Variants in LRRTM4 observed in about 807,000 individuals in gnomAD.
The protein encoded by LRRTM4 is leucine rich repeat transmembrane neuronal 4.
Under a neutral mutation model 47.6 loss-of-function variants are expected in LRRTM4, and 25 were observed. The observed-to-expected ratio is 0.53, with a 90% CI of 0.38 to 0.73. The LOEUF (loss-of-function observed/expected upper bound fraction) is 0.73. Among genes scored for constraint, LRRTM4 ranks in the 30% least tolerant of loss-of-function variants. LRRTM4 has a pLI of 0.00. For synonymous variants in LRRTM4, 311 were observed against 269.5 expected (o/e 1.15, Z -1.51); for missense variants, 638 against 713.4 (o/e 0.89, Z 1.20).
intron 3 of LRRTM4, among the ~76,000 whole-genome samples, chr2:76,961,997 C>G (rs2103914972): frequency 6.6e-6 from 1 of 151,174 alleles, no homozygotes; most frequent in South Asian, 2.1e-4. Flanking sequence ...GGGTTTCTTC[C>G]TCAATATAGG....
intron 3 of LRRTM4, among the ~76,000 whole-genome samples, chr2:76,994,932 A>C (rs1677146315): frequency 6.6e-6 from 1 of 152,000 alleles, no homozygotes; most frequent in South Asian, 2.1e-4. Context: ...TGACCTAACT[A>C]GGAAAATGAA....
chr2:76,918,756 A>G (rs1674336479), intron 3 of LRRTM4, among the ~76,000 whole-genome samples: 2 of 152,164 alleles, frequency 1.3e-5, no homozygotes, highest in Admixed American at 1.3e-4. Context: ...AGTTGCAGCT[A>G]AGCGTGGCCC....
intron 3 of LRRTM4, among the ~76,000 whole-genome samples, chr2:77,305,586 A>G (rs1677249137): frequency 6.6e-6 from 1 of 152,128 alleles, no homozygotes; most frequent in Admixed American, 6.5e-5. Flanking sequence ...TTAATATTCA[A>G]CAGGCATAGT....
intron 2 of LRRTM4, among the ~76,000 whole-genome samples, chr2:77,521,185 T>C (rs945116453): frequency 2.6e-5 from 4 of 151,662 alleles, no homozygotes; most frequent in Non-Finnish European, 5.9e-5. Context: ...GACTGGCAAA[T>C]GACTGCTGGA....
chr2:77,049,088 T>C (rs1159971313), intron 3 of LRRTM4, among the ~76,000 whole-genome samples: 2 of 142,460 alleles, frequency 1.4e-5, no homozygotes, highest in Admixed American at 1.4e-4. Context: ...TGAATGACAG[T>C]TTGTTTTTTT....
At chr2:77,212,245 C>G (rs1170278226) in intron 3 of LRRTM4, among the ~76,000 whole-genome samples, 1 of 148,738 alleles carries the variant, frequency 6.7e-6, no homozygotes, top group Non-Finnish European at 1.5e-5. Flanking sequence ...AATGAAATAA[C>G]ATATTTTGAT....
At chr2:77,064,469 G>A (rs909213244) in intron 3 of LRRTM4, among the ~76,000 whole-genome samples, 1 of 152,140 alleles carries the variant, frequency 6.6e-6, no homozygotes, top group African/African-American at 2.4e-5. Context: ...TCCTCTTTGA[G>A]AGTTTCAGGG....
At chr2:77,019,281 A>G (rs1314379580) in intron 3 of LRRTM4, among the ~76,000 whole-genome samples, 1 of 150,052 alleles carries the variant, frequency 6.7e-6, no homozygotes, top group Non-Finnish European at 1.5e-5. Context: ...AAAAAATATA[A>G]GAAGAAGACA....
intron 3 of LRRTM4, among the ~76,000 whole-genome samples, chr2:76,790,989 A>C (rs1001484876): frequency 1.3e-5 from 2 of 152,152 alleles, no homozygotes; most frequent in Non-Finnish European, 2.9e-5. Flanking sequence ...CACAGAAGGT[A>C]TGTTTCCAGT....
At chr2:77,295,306 T>C (rs1676939391) in intron 3 of LRRTM4, among the ~76,000 whole-genome samples, 1 of 152,182 alleles carries the variant, frequency 6.6e-6, no homozygotes, top group Non-Finnish European at 1.5e-5. Context: ...ATGTTAAGAT[T>C]CCTTTTTTGA....
intron 3 of LRRTM4, among the ~76,000 whole-genome samples, chr2:77,056,614 C>G (rs930999653): frequency 1.3e-5 from 2 of 151,982 alleles, no homozygotes; most frequent in African/African-American, 4.8e-5. Context: ...AGTAATAGTA[C>G]AGTAAAAGAT....
At chr2:77,031,836 T>C (rs1009252396) in intron 3 of LRRTM4, among the ~76,000 whole-genome samples, 5 of 152,142 alleles carry the variant, frequency 3.3e-5, no homozygotes, top group African/African-American at 1.2e-4. Flanking sequence ...TTTAGAGATA[T>C]GACTGTCTGC....
intron 3 of LRRTM4, among the ~76,000 whole-genome samples, chr2:77,480,837 G>GAGAA (rs1677670101): frequency 2.5e-4 from 13 of 52,372 alleles, no homozygotes; most frequent in Non-Finnish European, 4.5e-4. Context: ...GAGAGAGAGA[G>GAGAA]AGAGAGAGAG....
At chr2:76,995,614 C>A (rs146836051) in intron 3 of LRRTM4, among the ~76,000 whole-genome samples, 6 of 151,994 alleles carry the variant, frequency 3.9e-5, no homozygotes, top group Non-Finnish European at 7.4e-5. Context: ...AAAAGTAGAT[C>A]CAAAAAAGTC....
At chr2:77,087,681 T>A (rs2103874050) in intron 3 of LRRTM4, among the ~76,000 whole-genome samples, 1 of 152,222 alleles carries the variant, frequency 6.6e-6, no homozygotes. Flanking sequence ...ATAAAAATAA[T>A]CAAATTCATT....
chr2:77,207,656 A>T (rs905029182), intron 3 of LRRTM4, among the ~76,000 whole-genome samples: 1 of 151,678 alleles, frequency 6.6e-6, no homozygotes, highest in South Asian at 2.1e-4. Context: ...GCCTATAACA[A>T]TCACTGACAA....
At chr2:77,245,494 G>C (rs1573134183) in intron 3 of LRRTM4, among the ~76,000 whole-genome samples, 1 of 142,980 alleles carries the variant, frequency 7.0e-6, no homozygotes, top group East Asian at 2.0e-4. Context: ...CTCCCACTTG[G>C]GATACAGAGC....
At chr2:77,211,869 A>G (rs1674302105) in intron 3 of LRRTM4, among the ~76,000 whole-genome samples, 1 of 152,038 alleles carries the variant, frequency 6.6e-6, no homozygotes, top group African/African-American at 2.4e-5. Context: ...ATATAGCTAT[A>G]TTTCTTAATT....
intron 3 of LRRTM4, among the ~76,000 whole-genome samples, chr2:77,306,085 A>G (rs1677263754): frequency 6.6e-6 from 1 of 152,170 alleles, no homozygotes; most frequent in African/African-American, 2.4e-5. Flanking sequence ...TGTGAATCCA[A>G]TCCCAGATGT....
Sources: allele counts gnomAD v4.1 joint callset (sites outside exome capture counted in the v4.1 genomes callset), GRCh38; gene constraint gnomAD v4.1.1; transcripts MANE v1.5; gene names NCBI Gene and HGNC (gene_info 2026-07-23, HGNC 2026-07-21).